KIAA1217: variants seen among roughly 807,000 people sequenced by gnomAD.
KIAA1217 encodes the protein KIAA1217.
A neutral mutation model predicts 163.9 loss-of-function variants in KIAA1217; 88 were observed. The observed-to-expected ratio is 0.54, with a 90% CI of 0.45 to 0.64. The LOEUF is 0.64. Among genes scored for constraint, KIAA1217 ranks in the 30% least tolerant of loss-of-function variants. The probability of loss-of-function intolerance (pLI) is 0.00; values close to 1 mark genes in which losing one functional copy is unlikely to be tolerated. For synonymous variants in KIAA1217, 903 were observed against 923.1 expected (o/e 0.98, Z 0.39); for missense variants, 2,372 against 2,475.0 (o/e 0.96, Z 0.88).
chr10:24,434,821 T>G (rs1437693508), intron 4 of KIAA1217, among the ~76,000 whole-genome samples: 1 of 152,248 alleles, frequency 6.6e-6, no homozygotes, highest in Non-Finnish European at 1.5e-5. Context: ...TTTCATTTTA[T>G]GGAACCAGAA....
At chr10:24,106,841 T>A (rs1011920073) in intron 2 of KIAA1217, among the ~76,000 whole-genome samples, 1 of 151,958 alleles carries the variant, frequency 6.6e-6, no homozygotes, top group Non-Finnish European at 1.5e-5. Flanking sequence ...CAATTCTTTT[T>A]TGTTGTTGTG....
At chr10:24,494,024 A>G (rs1429409345) in intron 6 of KIAA1217, among the ~76,000 whole-genome samples, 2 of 152,158 alleles carry the variant, frequency 1.3e-5, no homozygotes, top group African/African-American at 4.8e-5. Context: ...CTAAGCTGTG[A>G]CACAAGTGTT....
chr10:24,363,609 A>G (rs1490090028), intron 2 of KIAA1217, among the ~76,000 whole-genome samples: 1 of 144,564 alleles, frequency 6.9e-6, no homozygotes, highest in African/African-American at 2.6e-5. Context: ...CTGTTGACCG[A>G]GCTGGAGTGC....
chr10:24,095,091 C>T (rs182769295), intron 2 of KIAA1217, among the ~76,000 whole-genome samples: 406 of 152,340 alleles, frequency 2.7e-3, no homozygotes, highest in African/African-American at 9.1e-3. Context: ...GTCGGAAAAG[C>T]GCAGTATTCA....
intron 9 of KIAA1217, among the ~76,000 whole-genome samples, chr10:24,507,385 C>G (rs889908856): frequency 6.6e-6 from 1 of 151,952 alleles, no homozygotes; most frequent in African/African-American, 2.4e-5. Flanking sequence ...AAATCAGCAG[C>G]AAGGACTTCA....
At chr10:23,780,392 A>T (rs1028836274) in intron 1 of KIAA1217, among the ~76,000 whole-genome samples, 20 of 152,094 alleles carry the variant, frequency 1.3e-4, no homozygotes, top group African/African-American at 4.8e-4. Context: ...ATATAACTGA[A>T]ACTTTGTACT....
chr10:24,248,055 G>A (rs12251962), intron 2 of KIAA1217, among the ~76,000 whole-genome samples: 12,049 of 152,194 alleles, frequency 0.079, 793 homozygotes, highest in Admixed American at 0.19. Flanking sequence ...ACACACCTAC[G>A]CAGGAGTGCA....
At chr10:24,031,007 C>T (rs947813481) in intron 2 of KIAA1217, among the ~76,000 whole-genome samples, 6 of 152,030 alleles carry the variant, frequency 3.9e-5, no homozygotes, top group East Asian at 1.9e-4. Flanking sequence ...AATATCTGTT[C>T]GAATCTTTGC....
In KIAA1217 at chr10:24,258,537, G is replaced by A. The variant is rs550114158; in HGVS notation, c.354+38628G>A. 9.3e-5 allele frequency among the ~76,000 whole-genome samples: 14 copies of A among 151,310 alleles called. No individual in the cohort carries two copies. In the South Asian group the frequency reaches 1.3e-3, roughly 14 times the overall value. On this transcript the variant is annotated intron_variant, in intron 2 of 20. Coordinates refer to ENST00000376454, the MANE Select transcript of KIAA1217 (RefSeq NM_019590.5). Reference sequence around the variant, plus strand: ...TAAGCCTTCATACTAGAGCAAAACCGTGGGCAGACAGCACACAAAAGCAGC... The same window carrying A: ...TAAGCCTTCATACTAGAGCAAAACCATGGGCAGACAGCACACAAAAGCAGC...
intron 2 of KIAA1217, among the ~76,000 whole-genome samples, chr10:24,139,450 C>T (rs1195952701): frequency 6.6e-6 from 1 of 151,902 alleles, no homozygotes; most frequent in Non-Finnish European, 1.5e-5. Flanking sequence ...TGTATCAGTG[C>T]CAAAATATTC....
At chr10:24,313,413 G>A (rs905603355) in intron 2 of KIAA1217, among the ~76,000 whole-genome samples, 3 of 152,288 alleles carry the variant, frequency 2.0e-5, no homozygotes, top group Non-Finnish European at 2.9e-5. Flanking sequence ...GTGAGCAGCC[G>A]GGCTGTGTTC....
chr10:24,188,086 A>T (rs942796851), intron 2 of KIAA1217, among the ~76,000 whole-genome samples: 4 of 152,002 alleles, frequency 2.6e-5, no homozygotes, highest in Non-Finnish European at 5.9e-5. Flanking sequence ...AATCCCAGCT[A>T]CTCAGGAGGC....
At chr10:24,476,747 A>G (rs550559143) in intron 6 of KIAA1217, among the ~76,000 whole-genome samples, 1 of 152,204 alleles carries the variant, frequency 6.6e-6, no homozygotes, top group African/African-American at 2.4e-5. Flanking sequence ...CAGAGGGTGG[A>G]ATTGGAATGC....
chr10:24,227,611 C>A (rs560531196), intron 2 of KIAA1217, among the ~76,000 whole-genome samples: 1 of 151,714 alleles, frequency 6.6e-6, no homozygotes, highest in South Asian at 2.1e-4. Context: ...TGGCTCACTG[C>A]AAGCTCTGCC....
intron 17 of KIAA1217, among the ~76,000 whole-genome samples, chr10:24,539,261 C>T (rs948663089): frequency 6.6e-6 from 1 of 151,994 alleles, no homozygotes; most frequent in African/African-American, 2.4e-5. Context: ...TGGAGTCTCG[C>T]TCTATCACCC....
At chr10:24,377,287 G>A (rs1267640629) in intron 2 of KIAA1217, among the ~76,000 whole-genome samples, 1 of 152,146 alleles carries the variant, frequency 6.6e-6, no homozygotes, top group East Asian at 1.9e-4. Flanking sequence ...AGGGAGATTG[G>A]TGTCATGGAT....
chr10:24,055,367 TTAAC>T (rs1319064093), intron 2 of KIAA1217, among the ~76,000 whole-genome samples: 1 of 152,214 alleles, frequency 6.6e-6, no homozygotes, highest in Non-Finnish European at 1.5e-5. Context: ...TAGACTATGT[TTAAC>T]TAAATTACCA....
chr10:24,018,750 T>G (rs1847603151), intron 2 of KIAA1217, among the ~76,000 whole-genome samples: 1 of 152,024 alleles, frequency 6.6e-6, no homozygotes, highest in Non-Finnish European at 1.5e-5. Flanking sequence ...AAGAGATAAC[T>G]GCACTATCAT....
intron 2 of KIAA1217, among the ~76,000 whole-genome samples, chr10:24,233,196 T>C (rs775835045): frequency 6.6e-6 from 1 of 152,178 alleles, no homozygotes; most frequent in African/African-American, 2.4e-5. Flanking sequence ...TTTGTGATGC[T>C]TCCACTCATG....
Sources: allele counts gnomAD v4.1 joint callset (sites outside exome capture counted in the v4.1 genomes callset), GRCh38; gene constraint gnomAD v4.1.1; transcripts MANE v1.5; gene names NCBI Gene and HGNC (gene_info 2026-07-23, HGNC 2026-07-21).